The following TMPRSS15 variants were observed in gnomAD, a reference collection of about 807,000 sequenced individuals.
TMPRSS15 encodes the protein enteropeptidase.
TMPRSS15 carries 128 observed loss-of-function variants against 125.3 expected under a neutral mutation model. That is an observed-to-expected ratio of 1.02 (90% CI 0.89 to 1.18). TMPRSS15 has a LOEUF of 1.18. TMPRSS15 is among the 50% of genes most tolerant of loss of function. The pLI is 0.00. For synonymous variants in TMPRSS15, 446 were observed against 423.2 expected, an observed-to-expected ratio of 1.05 and a Z score of -0.66; for missense variants, 1,283 against 1,212.7, an observed-to-expected ratio of 1.06 and a Z score of -0.86.
intron 1 of TMPRSS15, among the ~76,000 whole-genome samples, chr21:18,461,102 C>T (rs2122952242): frequency 1.3e-4 from 20 of 152,186 alleles, no homozygotes; most frequent in Non-Finnish European, 2.5e-4. Context: ...CTCAGCAAAT[C>T]GACCATCAGG....
At chr21:18,313,187 C>G in intron 17 of TMPRSS15, 110 bp from the exon 18 acceptor site, 1 of 785,654 alleles carries the variant, frequency 1.3e-6, no homozygotes, top group South Asian at 1.4e-5. Context: ...GGAATAAGTT[C>G]ATGAGATCTC....
chr21:18,375,528 T>C (rs1294932007), intron 5 of TMPRSS15, among the ~76,000 whole-genome samples: 2 of 152,182 alleles, frequency 1.3e-5, no homozygotes, highest in South Asian at 2.1e-4. Context: ...GAAAAGTAAA[T>C]GAAGAGAATA....
At chr21:18,314,347 G>A (rs138630329) in intron 17 of TMPRSS15, among the ~76,000 whole-genome samples, 21 of 152,098 alleles carry the variant, frequency 1.4e-4, no homozygotes, top group African/African-American at 4.8e-4. Context: ...GGCATGATCT[G>A]GGCTCACTGC....
intron 8 of TMPRSS15, among the ~76,000 whole-genome samples, chr21:18,355,532 G>A (rs1179378763): frequency 1.3e-5 from 2 of 151,746 alleles, no homozygotes; most frequent in Admixed American, 1.3e-4. Context: ...AGAGTCCCAG[G>A]ACTACAGATC....
At chr21:18,377,342 T>A (rs1263040761) in intron 5 of TMPRSS15, among the ~76,000 whole-genome samples, 1 of 152,136 alleles carries the variant, frequency 6.6e-6, no homozygotes, top group Non-Finnish European at 1.5e-5. Context: ...TTTTTATGAA[T>A]CTTTTAAAGA....
At chr21:18,315,050 GTCC>G (rs2075146753) in intron 17 of TMPRSS15, 93 bp downstream of exon 17, 1 of 961,082 alleles carries the variant, frequency 1.0e-6, no homozygotes, top group African/African-American at 1.6e-5. Flanking sequence ...ATCAAAACAG[GTCC>G]TAATAGACAC....
intron 18 of TMPRSS15, among the ~76,000 whole-genome samples, chr21:18,299,634 T>A (rs577180740): frequency 6.6e-6 from 1 of 152,270 alleles, no homozygotes; most frequent in East Asian, 1.9e-4. Context: ...TTTTCTTGTG[T>A]TTGATCATTT....
At chr21:18,380,140 C>A (rs112058274) in intron 4 of TMPRSS15, among the ~76,000 whole-genome samples, 9 of 147,414 alleles carry the variant, frequency 6.1e-5, no homozygotes, top group Non-Finnish European at 1.2e-4. Flanking sequence ...ACCAAGGCAC[C>A]ATGATTTGGA....
intron 1 of TMPRSS15, among the ~76,000 whole-genome samples, chr21:18,442,345 T>C (rs1047396100): frequency 6.6e-6 from 1 of 152,210 alleles, no homozygotes; most frequent in African/African-American, 2.4e-5. Flanking sequence ...CTACTATAAG[T>C]AATAAAACAT....
rs553211191 is a variant in TMPRSS15, at chr21:18,359,635, T to A, written c.880+122A>T. The stretch of plus-strand genomic sequence containing the variant: ...TTTATAATGAGAAGCAATTGTTTTT[T>A]TTTTAGTTTTATAAGTTTCAAGTCC... On this transcript the variant is annotated intron_variant, in intron 8 of 24. Transcript: ENST00000284885. 3.0e-5 allele frequency: 16 copies of A among 540,564 alleles called. No homozygotes were observed. The South Asian group carries it at 3.6e-4, about 12-fold the overall frequency. 33.5% of individuals were successfully genotyped at this position (540,564 alleles called of 1,614,324 possible).
intron 7 of TMPRSS15, among the ~76,000 whole-genome samples, chr21:18,360,496 C>T (rs2075669940): frequency 6.6e-6 from 1 of 152,016 alleles, no homozygotes; most frequent in Non-Finnish European, 1.5e-5. Flanking sequence ...ACACTGTTCT[C>T]CATAGCAGCT....
At chr21:18,280,596 C>CAAAAAA (rs1246672347) in intron 22 of TMPRSS15, among the ~76,000 whole-genome samples, 9 of 102,144 alleles carry the variant, frequency 8.8e-5, no homozygotes, top group African/African-American at 4.1e-4. Context: ...AAAAAAAAAA[C>CAAAAAA]AACAAAACAA....
chr21:18,317,748 C>T (rs1462941838), intron 16 of TMPRSS15, among the ~76,000 whole-genome samples: 2 of 151,360 alleles, frequency 1.3e-5, no homozygotes, highest in Non-Finnish European at 2.9e-5. Flanking sequence ...TTACTCTGTT[C>T]TATTATTTCC....
intron 23 of TMPRSS15, among the ~76,000 whole-genome samples, chr21:18,277,881 C>A (rs1247955198): frequency 6.6e-6 from 1 of 152,168 alleles, no homozygotes; most frequent in Non-Finnish European, 1.5e-5. Flanking sequence ...CCAGCTAGGG[C>A]ACTCCTATTA....
chr21:18,309,256 T>A (rs1160994168), intron 18 of TMPRSS15, among the ~76,000 whole-genome samples: 1 of 151,930 alleles, frequency 6.6e-6, no homozygotes, highest in Non-Finnish European at 1.5e-5. Flanking sequence ...AAAAATTAAC[T>A]CAAGATGGAT....
chr21:18,294,219 T>C (rs372503105), intron 21 of TMPRSS15, 51 bp downstream of exon 21: 3 of 1,609,384 alleles, frequency 1.9e-6, no homozygotes, highest in African/African-American at 1.3e-5. Flanking sequence ...CGCTTGGCAG[T>C]GTCTGCTGTG....
chr21:18,414,640 CATA>C (rs2076175764), intron 1 of TMPRSS15, among the ~76,000 whole-genome samples: 1 of 152,170 alleles, frequency 6.6e-6, no homozygotes, highest in African/African-American at 2.4e-5. Flanking sequence ...TTTCACTTAG[CATA>C]ATGCCTTCCA....
chr21:18,294,456 A>T lies in TMPRSS15; in HGVS notation c.2312-12T>A, dbSNP rs2074877764. The T allele has an allele frequency of 6.2e-7, 1 of 1,614,090 alleles. No individual in the cohort carries two copies. Among genetic ancestry groups the T allele is most frequent in the Admixed American group, 1.7e-5 (1 of 60,008 alleles). Reference sequence around the variant, plus strand: ...TTTTTTTCCACAAGCTATTAAAATAATTGGAGAAAGAGCATCTATTTCATT... The same window carrying T: ...TTTTTTTCCACAAGCTATTAAAATATTTGGAGAAAGAGCATCTATTTCATT... On this transcript the variant is annotated splice_polypyrimidine_tract_variant and intron_variant, in intron 20 of 24. Transcript: ENST00000284885.
At chr21:18,313,501 A>T (rs958908011) in intron 17 of TMPRSS15, among the ~76,000 whole-genome samples, 3 of 151,436 alleles carry the variant, frequency 2.0e-5, no homozygotes, top group African/African-American at 4.8e-5. Flanking sequence ...TATACAGCAA[A>T]TTTTTTGGAA....
Sources: gnomAD v4.1 joint callset for allele counts (sites outside exome capture counted in the v4.1 genomes callset) on GRCh38, gnomAD v4.1.1 for gene constraint, MANE v1.5 for transcripts, NCBI Gene and HGNC (gene_info 2026-07-23, HGNC 2026-07-21) for gene names.